The following SMAP1 variants were observed in gnomAD, a reference collection of about 807,000 sequenced individuals.
The protein encoded by SMAP1 is stromal membrane-associated protein 1.
A neutral mutation model predicts 58.5 loss-of-function variants in SMAP1; 24 were observed. The ratio of observed to expected loss-of-function variants is 0.41; its 90% CI spans 0.30 to 0.58. The LOEUF (loss-of-function observed/expected upper bound fraction) is 0.58. Ranked by LOEUF, SMAP1 falls within the 20% of genes least tolerant of loss-of-function variation. The probability of loss-of-function intolerance (pLI) is 0.29; values close to 1 mark genes in which losing one functional copy is unlikely to be tolerated. For missense variants in SMAP1, 563 were observed against 566.3 expected (o/e 0.99, Z 0.06); for synonymous variants, 216 against 196.6 (o/e 1.10, Z -0.82).
chr6:70,759,906 A>G (rs765528478), intron 3 of SMAP1: 3 of 434,824 alleles, frequency 6.9e-6, no homozygotes, highest in Non-Finnish European at 1.4e-5. Context: ...AGCCCTGACC[A>G]TGGCATTTTA....
chr6:70,748,853 G>T (rs760647668), intron 2 of SMAP1, among the ~76,000 whole-genome samples: 1 of 151,782 alleles, frequency 6.6e-6, no homozygotes, highest in Non-Finnish European at 1.5e-5. Flanking sequence ...TCAGTTTTTT[G>T]TATATTTTTC....
chr6:70,817,244 C>T (rs952442486), intron 6 of SMAP1, among the ~76,000 whole-genome samples: 15 of 151,976 alleles, frequency 9.9e-5, no homozygotes, highest in African/African-American at 3.1e-4. Flanking sequence ...TGTTTTCTCA[C>T]CACACCTTAG....
In SMAP1 at chr6:70,767,769, C is replaced by T. The variant is rs565808742; in HGVS notation, c.339-5581C>T. On this transcript the variant is annotated intron_variant, in intron 3 of 10. Transcript: ENST00000370455. Reference sequence around the variant, plus strand: ...CCTTCTCCTGCCTAATTGCCCTGGCCAGAACTTCCAACACTATGTTGAATA... The same window carrying T: ...CCTTCTCCTGCCTAATTGCCCTGGCTAGAACTTCCAACACTATGTTGAATA... Among the ~76,000 whole-genome samples the T allele has an allele frequency of 2.7e-4, 38 of 138,742 alleles. No homozygotes were observed. The South Asian group carries it at 9.5e-3, about 35-fold the overall frequency. The allele number at this position is 138,742 out of a possible 152,430, so 91.0% of individuals were successfully genotyped here. A position where few individuals can be genotyped will look rare whatever the true frequency, so the allele number is the denominator to read the frequency against.
chr6:70,782,537 T>C (rs1368136719), intron 4 of SMAP1, among the ~76,000 whole-genome samples: 1 of 152,214 alleles, frequency 6.6e-6, no homozygotes, highest in African/African-American at 2.4e-5. Context: ...CTTCCCAGCC[T>C]ACATTTTTCT....
intron 3 of SMAP1, among the ~76,000 whole-genome samples, chr6:70,759,213 T>C (rs1766645852): frequency 6.6e-6 from 1 of 152,136 alleles, no homozygotes; most frequent in Admixed American, 6.6e-5. Flanking sequence ...AGCATACAAA[T>C]CAGCATTGTA....
intron 1 of SMAP1, among the ~76,000 whole-genome samples, chr6:70,672,604 C>T (rs1766314398): frequency 6.6e-6 from 1 of 152,142 alleles, no homozygotes; most frequent in Non-Finnish European, 1.5e-5. Context: ...CCTTGTTTAT[C>T]TTGGTTAGGG....
intron 2 of SMAP1, among the ~76,000 whole-genome samples, chr6:70,753,002 G>C (rs1408480531): frequency 2.0e-5 from 3 of 151,764 alleles, no homozygotes; most frequent in Non-Finnish European, 4.4e-5. Context: ...CACTAGAACA[G>C]TGTTTAATAG....
At chr6:70,768,717 A>T (rs1767122704) in intron 3 of SMAP1, among the ~76,000 whole-genome samples, 2 of 152,030 alleles carry the variant, frequency 1.3e-5, no homozygotes, top group African/African-American at 4.8e-5. Context: ...GGATTCATTG[A>T]TTTTTTGAAG....
Position 70,852,620 on chromosome 6 carries a change from A to T in SMAP1, c.745A>T (p.Met249Leu). 1 of 1,610,360 alleles carries T rather than the reference A, an allele frequency of 6.2e-7. No homozygotes were observed. Among genetic ancestry groups the T allele is most frequent in the Non-Finnish European group, 8.5e-7 (1 of 1,178,084 alleles). ...CGATGATCTGGACATCTTTGGACCG[A>T]TGATTTCTAATCCCTTACCTGCAAC... ...LNDDLDIFGP[M>L]ISNPLPATVM... Residue 249 changes from methionine (M) to leucine (L), a missense_variant, in exon 8 of 11, where the codon ATG becomes TTG. Physicochemically the swap from Met to Leu is conservative, Grantham distance 15 (BLOSUM62 2). Transcript: ENST00000370455.
chr6:70,831,410 C>G (rs1362496354), intron 6 of SMAP1, among the ~76,000 whole-genome samples: 1 of 152,014 alleles, frequency 6.6e-6, no homozygotes. Flanking sequence ...TGATCCTCTC[C>G]CTCCTTCCAC....
At chr6:70,844,284 C>T (rs1479983768) in intron 7 of SMAP1, among the ~76,000 whole-genome samples, 1 of 151,838 alleles carries the variant, frequency 6.6e-6, no homozygotes, top group African/African-American at 2.4e-5. Flanking sequence ...CTCCTTATAC[C>T]ACTTCTCAGC....
intron 7 of SMAP1, among the ~76,000 whole-genome samples, chr6:70,838,258 T>C (rs1770675879): frequency 1.3e-5 from 2 of 152,192 alleles, no homozygotes; most frequent in South Asian, 2.1e-4. Flanking sequence ...AACTTAGAAA[T>C]ATAAAATATA....
At chr6:70,855,743 C>A (rs184046672) in intron 8 of SMAP1, among the ~76,000 whole-genome samples, 1 of 152,300 alleles carries the variant, frequency 6.6e-6, no homozygotes, top group Admixed American at 6.5e-5. Flanking sequence ...CTAGTCCTGG[C>A]AGACAGGCTC....
chr6:70,852,356 A>G (rs1771216534), intron 7 of SMAP1, among the ~76,000 whole-genome samples, 184 bp from the exon 8 acceptor site: 1 of 152,202 alleles, frequency 6.6e-6, no homozygotes, highest in African/African-American at 2.4e-5. Flanking sequence ...TTCTGGGGGA[A>G]TCAACAAAAC....
At chr6:70,751,757 A>G (rs1167504048) in intron 2 of SMAP1, among the ~76,000 whole-genome samples, 6 of 152,206 alleles carry the variant, frequency 3.9e-5, no homozygotes, top group Admixed American at 3.9e-4. Flanking sequence ...GCTAAGTACT[A>G]AGTATTAAAA....
chr6:70,750,682 G>A (rs1360921844), intron 2 of SMAP1, among the ~76,000 whole-genome samples: 1 of 152,188 alleles, frequency 6.6e-6, no homozygotes, highest in African/African-American at 2.4e-5. Context: ...GATGTTGTAT[G>A]TACTAGATTA....
Position 70,718,592 on chromosome 6 carries a change from C to T in SMAP1, c.119-13786C>T, listed in dbSNP as rs150316351. ...ATCCCAGCACTATGGGAGGCCAAGGCGGGTGAATCACAAGGTCAGGAGTTG... is the reference window on the plus strand; with the variant it reads ...ATCCCAGCACTATGGGAGGCCAAGGTGGGTGAATCACAAGGTCAGGAGTTG... On this transcript the variant is annotated intron_variant, in intron 1 of 10. Transcript: ENST00000370455. Among the ~76,000 whole-genome samples the T allele has an allele frequency of 5.2e-3, 793 of 152,068 alleles. 2 individuals are homozygous for T. Among genetic ancestry groups the T allele is most frequent in the Non-Finnish European group, 7.7e-3 (523 of 67,960 alleles).
chr6:70,793,674 A>AGAGAG (rs1768468003), intron 5 of SMAP1, among the ~76,000 whole-genome samples: 1 of 132,168 alleles, frequency 7.6e-6, no homozygotes, highest in Non-Finnish European at 1.7e-5. Context: ...GAGAGAGAGA[A>AGAGAG]AGCTTAAAAA....
intron 7 of SMAP1, among the ~76,000 whole-genome samples, chr6:70,849,040 T>C (rs777704333): frequency 5.3e-5 from 8 of 152,070 alleles, no homozygotes; most frequent in Non-Finnish European, 1.2e-4. Flanking sequence ...GGGGAGAAGA[T>C]GGAGTAGAGA....
Sources: gnomAD v4.1 joint callset for allele counts (sites outside exome capture counted in the v4.1 genomes callset) on GRCh38, gnomAD v4.1.1 for gene constraint, MANE v1.5 for transcripts, NCBI Gene and HGNC (gene_info 2026-07-23, HGNC 2026-07-21) for gene names.